HYCC1: variants seen among roughly 807,000 people sequenced by gnomAD.
HYCC1 encodes the protein hyccin PI4KA lipid kinase complex subunit 1, also known as hyccin.
chr7:22,930,375 T>TAAAAAAAAAAAAAAAAAAAAAAAAAA, the HYCC1 span, among the ~76,000 whole-genome samples: 1 of 84,254 alleles, frequency 1.2e-5, no homozygotes, highest in Non-Finnish European at 2.4e-5. Flanking sequence ...AGAAACAAAG[T>TAAAAAAAAAAAAAAAAAAAAAAAAAA]AAAAAGAAAA....
chr7:22,925,812 A>G, the HYCC1 span, among the ~76,000 whole-genome samples: 25 of 152,320 alleles, frequency 1.6e-4, no homozygotes, highest in Non-Finnish European at 2.9e-5. Flanking sequence ...CCAACATTCA[A>G]ATTCAGGAAA....
chr7:23,014,076 CCT>C, the HYCC1 span: 74 of 470,598 alleles, frequency 1.6e-4, no homozygotes, highest in Non-Finnish European at 3.0e-4. Flanking sequence ...TCTTCCCCCT[CCT>C]CTCACTGACT....
At chr7:22,983,653 T>C in the HYCC1 span, 4 of 367,102 alleles carry the variant, frequency 1.1e-5, no homozygotes, top group Non-Finnish European at 2.0e-5. Context: ...AGCCGATGGC[T>C]CATAATGGGC....
At chr7:22,898,896 C>T in the HYCC1 span, among the ~76,000 whole-genome samples, 29 of 152,328 alleles carry the variant, frequency 1.9e-4, no homozygotes, top group East Asian at 4.6e-3. Context: ...CCACCCCGCC[C>T]GGCTGGTCCG....
At chr7:22,922,574 C>T in the HYCC1 span, among the ~76,000 whole-genome samples, 4 of 152,156 alleles carry the variant, frequency 2.6e-5, no homozygotes, top group Non-Finnish European at 5.9e-5. Flanking sequence ...ATGATTTCTA[C>T]TAAATTCATA....
the HYCC1 span, chr7:22,938,049 T>G: frequency 0.39 from 59,849 of 152,068 alleles, 11,749 homozygotes; most frequent in East Asian, 0.51. Flanking sequence ...TCAATACAGC[T>G]TGGATAAGAC....
the HYCC1 span, among the ~76,000 whole-genome samples, chr7:22,926,747 C>T: frequency 1.3e-5 from 2 of 151,262 alleles, no homozygotes; most frequent in Non-Finnish European, 2.9e-5. Context: ...GACTTTAACA[C>T]CCCACTGTCA....
At chr7:22,943,204 G>A in the HYCC1 span, 2 of 149,228 alleles carry the variant, frequency 1.3e-5, no homozygotes, top group African/African-American at 4.8e-5. Flanking sequence ...TACTTAAGAA[G>A]CCATATGTCA....
chr7:22,930,393 G>GAAAAAAAAAAAAAAAAAAA, the HYCC1 span, among the ~76,000 whole-genome samples: 1 of 101,094 alleles, frequency 9.9e-6, no homozygotes, highest in African/African-American at 3.4e-5. Context: ...AAAAGAAAAA[G>GAAAAAAAAAAAAAAAAAAA]AAAAAAAAAA....
chr7:22,943,631 T>C, the HYCC1 span: 1 of 152,598 alleles, frequency 6.6e-6, no homozygotes, highest in Non-Finnish European at 1.5e-5. Context: ...TTGCTTAAAA[T>C]GCCAATCTTA....
the HYCC1 span, among the ~76,000 whole-genome samples, chr7:22,905,707 A>G: frequency 6.6e-6 from 1 of 152,132 alleles, no homozygotes; most frequent in Non-Finnish European, 1.5e-5. Flanking sequence ...ATATTTATAC[A>G]TGGCATCATG....
At chr7:22,927,609 C>T in the HYCC1 span, among the ~76,000 whole-genome samples, 1 of 152,186 alleles carries the variant, frequency 6.6e-6, no homozygotes, top group South Asian at 2.1e-4. Context: ...TTCCTCGACA[C>T]ATACACTCTC....
At chr7:22,960,209 T>C in the HYCC1 span, 1 of 1,575,046 alleles carries the variant, frequency 6.3e-7, no homozygotes, top group East Asian at 2.2e-5. Flanking sequence ...GTGAAAAATG[T>C]AAAAGAATCA....
the HYCC1 span, among the ~76,000 whole-genome samples, chr7:22,968,568 T>G: frequency 1.3e-5 from 2 of 152,208 alleles, no homozygotes; most frequent in Admixed American, 6.5e-5. Context: ...GACAGAGTAC[T>G]CTTCCAATTG....
At chr7:22,911,897 T>C in the HYCC1 span, among the ~76,000 whole-genome samples, 2 of 152,344 alleles carry the variant, frequency 1.3e-5, no homozygotes, top group African/African-American at 4.8e-5. Context: ...CTTTATCCTC[T>C]TTTCAAAGAG....
At chr7:22,921,500 T>C in the HYCC1 span, among the ~76,000 whole-genome samples, 33 of 152,152 alleles carry the variant, frequency 2.2e-4, no homozygotes, top group Non-Finnish European at 3.2e-4. Flanking sequence ...CTTGGGTTTG[T>C]AGAATATAAA....
At chr7:22,988,117 G>A in the HYCC1 span, among the ~76,000 whole-genome samples, 3 of 152,082 alleles carry the variant, frequency 2.0e-5, no homozygotes, top group African/African-American at 7.2e-5. Context: ...ACATAGAGCT[G>A]AATACAACAC....
the HYCC1 span, among the ~76,000 whole-genome samples, chr7:22,960,074 A>C: frequency 6.6e-6 from 1 of 152,192 alleles, no homozygotes; most frequent in African/African-American, 2.4e-5. Flanking sequence ...GTGTAACATA[A>C]GGGGCTCCAT....
chr7:22,976,305 C>A, the HYCC1 span: 1 of 1,604,034 alleles, frequency 6.2e-7, no homozygotes, highest in Middle Eastern at 1.7e-4. Flanking sequence ...ACACTTCAAA[C>A]CTAAAGACAA....
Sources: allele counts gnomAD v4.1 joint callset (sites outside exome capture counted in the v4.1 genomes callset), GRCh38; gene constraint gnomAD v4.1.1; transcripts MANE v1.5; gene names NCBI Gene and HGNC (gene_info 2026-07-23, HGNC 2026-07-21).